IDH1: variants seen among roughly 807,000 people sequenced by gnomAD.
The protein encoded by IDH1 is isocitrate dehydrogenase [NADP] cytoplasmic.
IDH1 carries 33 observed loss-of-function variants against 46.1 expected under a neutral mutation model. That is an observed-to-expected ratio of 0.72 (90% CI 0.54 to 0.96). IDH1 has a LOEUF of 0.96. Among genes scored for constraint, IDH1 ranks in the 40% least tolerant of loss-of-function variants. The pLI is 0.00. For synonymous variants in IDH1, 144 were observed against 172.8 expected, an observed-to-expected ratio of 0.83 and a Z score of 1.31; for missense variants, 421 against 515.7, an observed-to-expected ratio of 0.82 and a Z score of 1.78.
intron 3 of IDH1, among the ~76,000 whole-genome samples, chr2:208,250,123 T>C (rs576724687): frequency 1.3e-5 from 2 of 152,234 alleles, no homozygotes; most frequent in African/African-American, 4.8e-5. Context: ...CCAAAAATTA[T>C]CTAGTCTGCA....
At position 208,239,891 on chromosome 2, in the gene IDH1, T is replaced by C. The variant is rs1271309574; in HGVS notation, c.963A>G (p.Lys321=). 5.0e-6 allele frequency: 8 copies of C among 1,614,072 alleles called. No individual in the cohort carries two copies. Among genetic ancestry groups the C allele is most frequent in the Non-Finnish European group, 6.8e-6 (8 of 1,180,038 alleles). The change falls in exon 8 of 10, where the codon AAA becomes AAG. Residue 321 remains lysine (K), a synonymous_variant. Coordinates refer to ENST00000345146, the MANE Select transcript of IDH1 (RefSeq NM_005896.4). ...TGGGATTGGTGGACGTCTCCTGTCC[T>C]TTCTGGTACATGCGGTAGTGACGGG... ...TVTRHYRMYQ[K]GQETSTNPIA...
chr2:208,254,286 T>TC (rs1323745577), intron 1 of IDH1: 1 of 152,936 alleles, frequency 6.5e-6, no homozygotes, highest in Non-Finnish European at 1.5e-5. Flanking sequence ...GATCGGTACC[T>TC]CCTTCCAGGT....
chr2:208,250,900 T>C (rs1384765121), intron 3 of IDH1, among the ~76,000 whole-genome samples: 2 of 152,186 alleles, frequency 1.3e-5, no homozygotes, highest in African/African-American at 4.8e-5. Flanking sequence ...AATGACAAAA[T>C]TGTGTTAACT....
chr2:208,248,716 T>G, intron 3 of IDH1, 56 bp from the exon 4 acceptor site: 3 of 1,484,594 alleles, frequency 2.0e-6, no homozygotes, highest in Non-Finnish European at 9.4e-7. Context: ...AGTTATAACC[T>G]ACAACTGCAG....
At position 208,243,522 on chromosome 2, in the gene IDH1, CAG is replaced by C. The variant is rs1559360463; in HGVS notation, c.601_602del (p.Leu201ValfsTer2). Reference sequence around the variant, plus strand: ...TCAGATACAAAGGCCAACCCTTAGACAGAGCCATTTGGAAGGAACTGTGTGCA... The same window carrying C: ...TCAGATACAAAGGCCAACCCTTAGACAGCCATTTGGAAGGAACTGTGTGCA... ...DFAHSSFQMA[L>X]SKGWPLYLST... On this transcript the variant is annotated frameshift_variant, in exon 6 of 10. Coordinates refer to ENST00000345146, the MANE Select transcript of IDH1 (RefSeq NM_005896.4). LOFTEE classifies it high-confidence loss of function. 2 of 1,613,812 alleles carry C rather than the reference CAG, an allele frequency of 1.2e-6. No individual in the cohort carries two copies. Among genetic ancestry groups the C allele is most frequent in the African/African-American group, 1.3e-5 (1 of 74,930 alleles).
At chr2:208,244,159 C>G (rs1687974571) in intron 5 of IDH1, among the ~76,000 whole-genome samples, 1 of 152,190 alleles carries the variant, frequency 6.6e-6, no homozygotes, top group Non-Finnish European at 1.5e-5. Flanking sequence ...TCCCCCTTCT[C>G]TTTCTCTTGT....
At chr2:208,244,521 G>C (rs541128868) in intron 5 of IDH1, among the ~76,000 whole-genome samples, 7 of 152,308 alleles carry the variant, frequency 4.6e-5, no homozygotes, top group African/African-American at 1.7e-4. Flanking sequence ...GTAGAAATAA[G>C]TAGAAATAAT....
chr2:208,248,725 A>G, intron 3 of IDH1, 65 bp from the exon 4 acceptor site: 1 of 1,429,806 alleles, frequency 7.0e-7, no homozygotes, highest in Non-Finnish European at 9.8e-7. Context: ...CTACAACTGC[A>G]GTGATGGCAT....
At chr2:208,240,685 C>T (rs913450069) in intron 7 of IDH1, among the ~76,000 whole-genome samples, 4 of 152,122 alleles carry the variant, frequency 2.6e-5, no homozygotes, top group Non-Finnish European at 4.4e-5. Flanking sequence ...TTGAAAGAAC[C>T]ACATTACAAC....
rs1687868627 is a variant in IDH1 at position 208,239,055 on chromosome 2, G to A, written c.1154+16C>T. On this transcript the variant is annotated intron_variant, in intron 9 of 9. Transcript: ENST00000345146. ...GTGTTAATTTGACCATAGAAACTAG[G>A]GCATCTTATACTTACTTGGGTAAAC... The A allele has an allele frequency of 6.2e-7, 1 of 1,611,010 alleles. No homozygotes were observed. The highest frequency in any genetic ancestry group is 8.5e-7 in the Non-Finnish European group (1 of 1,177,384).
Position 208,237,094 on chromosome 2 carries a change from A to G in IDH1, c.1230T>C (p.Ala410=). ...KLGENLKIKL[A]QAKL is the part of the protein sequence containing the mutation. ...AGGTATGAACTTAAAGTTTGGCCTGAGCTAGTTTGATCTTCAAGTTTTCTC... is the reference window on the plus strand; with the variant it reads ...AGGTATGAACTTAAAGTTTGGCCTGGGCTAGTTTGATCTTCAAGTTTTCTC... Residue 410 remains alanine, a synonymous_variant, in exon 10 of 10, where the codon GCT becomes GCC. Transcript: ENST00000345146. 2 of 1,594,712 alleles carry G rather than the reference A, an allele frequency of 1.3e-6. No individual in the cohort carries two copies. The highest frequency in any genetic ancestry group is 1.7e-6 in the Non-Finnish European group (2 of 1,163,108).
At chr2:208,243,864 T>C (rs746984898) in intron 5 of IDH1, among the ~76,000 whole-genome samples, 2 of 152,236 alleles carry the variant, frequency 1.3e-5, no homozygotes, top group Non-Finnish European at 2.9e-5. Flanking sequence ...TTTAAAATCC[T>C]GAAGATGCAG....
chr2:208,245,177 G>A (rs1687992476), intron 5 of IDH1, 142 bp downstream of exon 5: 2 of 622,052 alleles, frequency 3.2e-6, no homozygotes, highest in Non-Finnish European at 5.7e-6. Flanking sequence ...ACTTCTTTAT[G>A]TCAAGTTTCG....
rs1458601350 is a variant in IDH1, at chr2:208,245,384, A to C, written c.455T>G (p.Val152Gly). 1 of 1,612,682 alleles carries C rather than the reference A, an allele frequency of 6.2e-7. No homozygotes were observed. The highest frequency in any genetic ancestry group is 1.7e-5 in the Admixed American group (1 of 59,976). Residue 152 changes from valine (V) to glycine (G), a missense_variant, in exon 5 of 10, where the codon GTA (valine) becomes GGA (glycine). Val to Gly is a moderately radical substitution (Grantham distance 109). Coordinates refer to ENST00000345146, the MANE Select transcript of IDH1 (RefSeq NM_005896.4). Reference sequence around the variant, plus strand: ...GTCACTTGGTGTGTAGGTTATCTCTACTTTTCCAGGCCCAGGAACAACAAA... The same window carrying C: ...GTCACTTGGTGTGTAGGTTATCTCTCCTTTTCCAGGCCCAGGAACAACAAA... ...TDFVVPGPGK[V>G]EITYTPSDGT...
At chr2:208,244,173 C>T (rs1215852106) in intron 5 of IDH1, among the ~76,000 whole-genome samples, 3 of 152,136 alleles carry the variant, frequency 2.0e-5, no homozygotes, top group South Asian at 2.1e-4. Flanking sequence ...CTCTTGTTCC[C>T]GCTCTTGCCA....
chr2:208,239,357 C>T, intron 8 of IDH1, 124 bp from the exon 9 acceptor site: 1 of 922,812 alleles, frequency 1.1e-6, no homozygotes, highest in Non-Finnish European at 1.7e-6. Context: ...TAGATACTAA[C>T]CACATGGGCT....
Position 208,243,559 on chromosome 2 carries a change from A to G in IDH1, c.566T>C (p.Ile189Thr). 2 of 1,614,082 alleles carry G rather than the reference A, an allele frequency of 1.2e-6. No homozygotes were observed. The highest frequency in any genetic ancestry group is 1.7e-6 in the Non-Finnish European group (2 of 1,179,940). ...GAAGGAACTGTGTGCAAAATCTTCA[A>G]TTGACTTATCTTGATTATACATCCC... ...AMGMYNQDKS[I>T]EDFAHSSFQM... Residue 189 changes from isoleucine (I) to threonine (T), a missense_variant, in exon 6 of 10, where the codon ATT becomes ACT. Coordinates refer to ENST00000345146, the MANE Select transcript of IDH1 (RefSeq NM_005896.4).
At chr2:208,252,892 AGAAAT>A (rs1688149868) in intron 2 of IDH1, among the ~76,000 whole-genome samples, 2 of 152,352 alleles carry the variant, frequency 1.3e-5, no homozygotes, top group South Asian at 4.1e-4. Context: ...CTAGACTAAA[AGAAAT>A]GAACAGAATG....
intron 3 of IDH1, 149 bp downstream of exon 3, chr2:208,251,277 TCTCA>T (rs1217278296): frequency 9.8e-6 from 6 of 609,592 alleles, no homozygotes; most frequent in Admixed American, 8.9e-5. Context: ...AGTGATGGGG[TCTCA>T]CTCTGTTGCC....
Sources: gnomAD v4.1 joint callset for allele counts (sites outside exome capture counted in the v4.1 genomes callset) on GRCh38, gnomAD v4.1.1 for gene constraint, MANE v1.5 for transcripts, NCBI Gene and HGNC (gene_info 2026-07-23, HGNC 2026-07-21) for gene names.